SHTN1: variants seen among roughly 807,000 people sequenced by gnomAD.
SHTN1 encodes shootin 1.
A neutral mutation model predicts 83.1 loss-of-function variants in SHTN1; 42 were observed. The ratio of observed to expected loss-of-function variants is 0.51; its 90% CI spans 0.39 to 0.65. The LOEUF is 0.65. Among genes scored for constraint, SHTN1 ranks in the 30% least tolerant of loss-of-function variants. SHTN1 has a pLI of 0.00. For synonymous variants in SHTN1, 224 were observed against 247.7 expected, an observed-to-expected ratio of 0.90 and a Z score of 0.90; for missense variants, 622 against 737.8, an observed-to-expected ratio of 0.84 and a Z score of 1.82.
At chr10:116,914,122 T>C (rs187242980) in intron 13 of SHTN1, among the ~76,000 whole-genome samples, 18 of 152,316 alleles carry the variant, frequency 1.2e-4, no homozygotes, top group African/African-American at 4.3e-4. Context: ...GCCCACACTA[T>C]AGCCACTCTC....
chr10:117,094,026 G>T lies in SHTN1; in HGVS notation c.-189+32281C>A, dbSNP rs565053120. Among the ~76,000 whole-genome samples the T allele has an allele frequency of 2.5e-4, 38 of 152,200 alleles. 1 individual carries two copies. In the South Asian group the frequency reaches 7.9e-3, roughly 32 times the overall value. ...ATTTGATATATTTTAACTCAATGTG[G>T]AACTCAGGATATGTGGGCTTCCCTG... On this transcript the variant is annotated intron_variant, in intron 1 of 17. Coordinates refer to the SHTN1 transcript ENST00000392901.
chr10:117,076,446 A>G (rs1853155371), intron 1 of SHTN1, among the ~76,000 whole-genome samples: 1 of 152,130 alleles, frequency 6.6e-6, no homozygotes, highest in Admixed American at 6.5e-5. Flanking sequence ...TCCATCATTC[A>G]CTTATCTCTA....
At chr10:116,924,912 G>C (rs977084532) in intron 11 of SHTN1, among the ~76,000 whole-genome samples, 2 of 151,738 alleles carry the variant, frequency 1.3e-5, no homozygotes, top group South Asian at 2.1e-4. Flanking sequence ...CACCCACCAC[G>C]CCTGGCTAAT....
In SHTN1 at chr10:116,884,799, T is replaced by A. The variant is rs1047930561; in HGVS notation, c.*1545A>T. ...AATAATAACCACAACTGACCCTTAA[T>A]GGGAAACTATTGGTGCCTTTTTAAT... On this transcript the variant is annotated 3_prime_UTR_variant, in exon 17 of 17. Transcript: ENST00000355371. 1.9e-5 allele frequency: 3 copies of A among 156,368 alleles called. No individual in the cohort carries two copies. Among genetic ancestry groups the A allele is most frequent in the Admixed American group, 1.8e-4 (3 of 16,450 alleles). The allele number at this position is 156,368 out of a possible 1,614,324, so 9.7% of individuals were successfully genotyped here. A position where few individuals can be genotyped will look rare whatever the true frequency, so the allele number is the denominator to read the frequency against.
intron 1 of SHTN1, among the ~76,000 whole-genome samples, chr10:117,111,781 CA>C (rs957000665): frequency 4.6e-5 from 7 of 152,080 alleles, no homozygotes; most frequent in Non-Finnish European, 7.4e-5. Flanking sequence ...GTTCTTGTCA[CA>C]ATCCCCTATG....
chr10:116,942,629 G>C (rs1426444456), intron 8 of SHTN1, among the ~76,000 whole-genome samples: 1 of 152,130 alleles, frequency 6.6e-6, no homozygotes, highest in Non-Finnish European at 1.5e-5. Context: ...TGAACTAGCG[G>C]GAGTTAAGAA....
intron 1 of SHTN1, among the ~76,000 whole-genome samples, chr10:117,062,749 G>T (rs1229521332): frequency 6.6e-6 from 1 of 152,146 alleles, no homozygotes; most frequent in Non-Finnish European, 1.5e-5. Context: ...GATATAAAGG[G>T]AAGCTCTTTG....
intron 1 of SHTN1, among the ~76,000 whole-genome samples, chr10:116,996,503 T>C (rs1851631957): frequency 6.6e-6 from 1 of 152,226 alleles, no homozygotes; most frequent in Non-Finnish European, 1.5e-5. Context: ...AAGGAAAATC[T>C]GTCAGATTGC....
chr10:117,089,324 TA>T (rs1853395917), intron 1 of SHTN1, among the ~76,000 whole-genome samples: 1 of 152,176 alleles, frequency 6.6e-6, no homozygotes, highest in African/African-American at 2.4e-5. Context: ...AAAAATTTAA[TA>T]AAAAGTAATT....
At chr10:116,902,048 A>T in intron 15 of SHTN1, 91 bp from the exon 16 acceptor site, 1 of 1,148,138 alleles carries the variant, frequency 8.7e-7, no homozygotes, top group South Asian at 1.6e-5. Context: ...AAATCCCTCA[A>T]GAAGTGAAAA....
chr10:116,927,979 C>A, intron 10 of SHTN1, 88 bp from the exon 11 acceptor site: 2 of 1,471,762 alleles, frequency 1.4e-6, no homozygotes, highest in Admixed American at 2.1e-5. Flanking sequence ...TAACCTTTCT[C>A]AAAAGTAAGT....
chr10:117,032,690 C>T lies in SHTN1; in HGVS notation c.-123+15755G>A, dbSNP rs1427760580. On this transcript the variant is annotated intron_variant, in intron 2 of 17. Coordinates refer to the SHTN1 transcript ENST00000392901. ...CATCAGACTTAATCTGCACTGTAGACCCAATGGATATTTACAGAACATTTC... is the reference window on the plus strand; with the variant it reads ...CATCAGACTTAATCTGCACTGTAGATCCAATGGATATTTACAGAACATTTC... Among the ~76,000 whole-genome samples, 8 of 152,236 alleles carry T rather than the reference C, an allele frequency of 5.3e-5. No homozygotes were observed. The South Asian group carries it at 1.7e-3, about 32-fold the overall frequency.
At chr10:116,937,807 C>T (rs58947347) in intron 9 of SHTN1, among the ~76,000 whole-genome samples, 5,185 of 152,076 alleles carry the variant, frequency 0.034, 286 homozygotes, top group African/African-American at 0.11. Context: ...ACCAATCAAA[C>T]GTAGGTTTGG....
intron 16 of SHTN1, among the ~76,000 whole-genome samples, chr10:116,898,499 G>GC (rs1461224739): frequency 3.3e-5 from 5 of 152,048 alleles, no homozygotes; most frequent in African/African-American, 1.2e-4. Context: ...TGCCTGGTCA[G>GC]CCCTTTACCT....
In SHTN1 at chr10:117,117,428, G is replaced by A. The variant is rs549028837; in HGVS notation, c.-189+8879C>T. Among the ~76,000 whole-genome samples, 14 of 152,222 alleles carry A rather than the reference G, an allele frequency of 9.2e-5. No homozygotes were observed. The East Asian group carries it at 2.7e-3, about 29-fold the overall frequency. On this transcript the variant is annotated intron_variant, in intron 1 of 17. Transcript: ENST00000392901. Reference sequence around the variant, plus strand: ...CACAAAAAATGAAAAGATATTCCATGCTCATGGGGAAGAATAGTGTTAAAT... The same window carrying A: ...CACAAAAAATGAAAAGATATTCCATACTCATGGGGAAGAATAGTGTTAAAT...
intron 1 of SHTN1, among the ~76,000 whole-genome samples, chr10:117,097,437 T>C (rs1853520177): frequency 6.6e-6 from 1 of 152,214 alleles, no homozygotes; most frequent in African/African-American, 2.4e-5. Flanking sequence ...AACAATCTTT[T>C]CTCACAATTC....
Position 116,903,696 on chromosome 10 carries a change from C to A in SHTN1, c.1481-1739G>T, listed in dbSNP as rs537591056. On this transcript the variant is annotated intron_variant, in intron 15 of 16. Transcript: ENST00000355371. Reference sequence around the variant, plus strand: ...TTGCTTCTGATCAGCTCTATTCTGCCCTTGGGTAAGCGTTGACTACAATAC... The same window carrying A: ...TTGCTTCTGATCAGCTCTATTCTGCACTTGGGTAAGCGTTGACTACAATAC... 2.4e-4 allele frequency among the ~76,000 whole-genome samples: 37 copies of A among 152,118 alleles called. No individual in the cohort carries two copies. In the South Asian group the frequency reaches 7.3e-3, roughly 30 times the overall value.
intron 1 of SHTN1, among the ~76,000 whole-genome samples, chr10:116,990,659 A>G (rs928932358): frequency 1.3e-5 from 2 of 152,190 alleles, no homozygotes; most frequent in Admixed American, 1.3e-4. Flanking sequence ...TCTTGCATCT[A>G]TGGTTTTAAG....
At chr10:116,969,483 C>T (rs1850525360) in intron 2 of SHTN1, among the ~76,000 whole-genome samples, 2 of 152,112 alleles carry the variant, frequency 1.3e-5, no homozygotes, top group South Asian at 4.1e-4. Flanking sequence ...AGCCACATGG[C>T]ACACACTCTC....
Sources: allele counts gnomAD v4.1 joint callset (sites outside exome capture counted in the v4.1 genomes callset), GRCh38; gene constraint gnomAD v4.1.1; transcripts MANE v1.5; gene names NCBI Gene and HGNC (gene_info 2026-07-23, HGNC 2026-07-21).